The following LRPPRC variants were observed in gnomAD, a reference collection of about 807,000 sequenced individuals.
LRPPRC encodes the protein leucine rich pentatricopeptide repeat containing.
Under a neutral mutation model 180.3 loss-of-function variants are expected in LRPPRC, and 120 were observed. That is an observed-to-expected ratio of 0.67 (90% confidence interval 0.57 to 0.77). The LOEUF (loss-of-function observed/expected upper bound fraction) is 0.77, where lower values mean the gene tolerates loss of function less well. Among genes scored for constraint, LRPPRC ranks in the 30% least tolerant of loss-of-function variants. The pLI is 0.00. For missense variants in LRPPRC, 2,012 were observed against 1,657.2 expected, an observed-to-expected ratio of 1.21 and a Z score of -3.72; for synonymous variants, 723 against 600.0, an observed-to-expected ratio of 1.21 and a Z score of -3.00.
chr2:43,962,549 G>C (rs369222181), intron 12 of LRPPRC, among the ~76,000 whole-genome samples: 3 of 152,296 alleles, frequency 2.0e-5, no homozygotes, highest in South Asian at 2.1e-4. Flanking sequence ...TTTTGTTTTT[G>C]TAATTCATAT....
At chr2:43,971,771 A>C (rs1268149567) in intron 11 of LRPPRC, among the ~76,000 whole-genome samples, 3 of 152,032 alleles carry the variant, frequency 2.0e-5, no homozygotes, top group Non-Finnish European at 4.4e-5. Flanking sequence ...CCTTACACTA[A>C]AGAAACTATA....
chr2:43,888,677 G>T, intron 37 of LRPPRC, 21 bp from the exon 38 acceptor site: 1 of 1,449,060 alleles, frequency 6.9e-7, no homozygotes, highest in Non-Finnish European at 9.7e-7. Context: ...GAAAAAAAGA[G>T]GGAAGTTAGA....
intron 36 of LRPPRC, among the ~76,000 whole-genome samples, chr2:43,892,998 C>T (rs1670549626): frequency 6.6e-6 from 1 of 152,118 alleles, no homozygotes; most frequent in Admixed American, 6.5e-5. Flanking sequence ...TGATTTCAAC[C>T]CTCATGGATG....
chr2:43,893,669 T>C (rs1164441618), intron 36 of LRPPRC, among the ~76,000 whole-genome samples: 1 of 152,242 alleles, frequency 6.6e-6, no homozygotes, highest in Non-Finnish European at 1.5e-5. Flanking sequence ...CATGTAACTT[T>C]GTTCATTATA....
chr2:43,922,836 T>C (rs1572923998), intron 27 of LRPPRC, among the ~76,000 whole-genome samples: 1 of 152,158 alleles, frequency 6.6e-6, no homozygotes, highest in South Asian at 2.1e-4. Flanking sequence ...CAGAAGGGGA[T>C]AGCTTGCTTT....
At chr2:43,894,522 T>C (rs547873967) in intron 36 of LRPPRC, 23 bp downstream of exon 36, 3 of 1,073,968 alleles carry the variant, frequency 2.8e-6, no homozygotes, top group African/African-American at 1.5e-5. Context: ...ATAAATAATA[T>C]AGTCAAATTA....
At chr2:43,915,198 A>ACTCCCTCTCT (rs1671406486) in intron 29 of LRPPRC, among the ~76,000 whole-genome samples, 1 of 63,388 alleles carries the variant, frequency 1.6e-5, no homozygotes, top group African/African-American at 4.6e-5. Flanking sequence ...ACAGAACAAG[A>ACTCCCTCTCT]CTCTCTCTCT....
At chr2:43,889,326 A>AG (rs2104969170) in intron 37 of LRPPRC, among the ~76,000 whole-genome samples, 1 of 150,666 alleles carries the variant, frequency 6.6e-6, no homozygotes, top group Non-Finnish European at 1.5e-5. Flanking sequence ...AAAAAAAAAA[A>AG]AAAAAAAAAA....
chr2:43,992,890 G>A (rs1674848885), intron 1 of LRPPRC, among the ~76,000 whole-genome samples: 1 of 152,158 alleles, frequency 6.6e-6, no homozygotes, highest in Non-Finnish European at 1.5e-5. Flanking sequence ...CCATATCTGG[G>A]AGAAACATCA....
intron 25 of LRPPRC, among the ~76,000 whole-genome samples, chr2:43,931,202 G>A (rs923907490): frequency 3.1e-4 from 47 of 152,128 alleles, no homozygotes; most frequent in South Asian, 1.0e-3. Context: ...TAGGTTCTCA[G>A]AACCAACACA....
chr2:43,901,043 C>A (rs913615281), intron 32 of LRPPRC, among the ~76,000 whole-genome samples: 2 of 152,044 alleles, frequency 1.3e-5, no homozygotes, highest in Non-Finnish European at 2.9e-5. Context: ...AGTGTTTCGA[C>A]AACAAGAGGC....
chr2:43,917,984 A>C, intron 29 of LRPPRC, 41 bp downstream of exon 29: 2 of 1,199,292 alleles, frequency 1.7e-6, no homozygotes, highest in Non-Finnish European at 2.5e-6. Context: ...TAGAAAGAAG[A>C]CCACCCCCCC....
chr2:43,919,588 C>T (rs934953273), intron 27 of LRPPRC, among the ~76,000 whole-genome samples: 5 of 152,126 alleles, frequency 3.3e-5, no homozygotes, highest in African/African-American at 1.2e-4. Flanking sequence ...CATTTCCTTT[C>T]ATGTGGTAAT....
Position 43,946,220 on chromosome 2 carries a change from C to T in LRPPRC, c.2103G>A (p.Leu701=). The T allele has an allele frequency of 1.2e-6, 2 of 1,611,834 alleles. No individual in the cohort carries two copies. The highest frequency in any genetic ancestry group is 1.7e-6 in the Non-Finnish European group (2 of 1,178,262). The change falls in exon 21 of 38, where the codon TTG becomes TTA. Residue 701 remains leucine, a synonymous_variant. Transcript: ENST00000260665. ...CCATGTCGGATTCATATTTTGCTTT[C>T]AATTCAAGGGCTTTTTGCATATTCT... ...SEENMQKALE[L]KAKYESDMVT...
At chr2:43,899,750 C>T (rs1267673478) in intron 32 of LRPPRC, 145 bp from the exon 33 acceptor site, 2 of 629,308 alleles carry the variant, frequency 3.2e-6, no homozygotes, top group Non-Finnish European at 5.6e-6. Context: ...CAAATAAACA[C>T]TAGGCAACTG....
At chr2:43,910,206 G>C (rs1244280081) in intron 30 of LRPPRC, among the ~76,000 whole-genome samples, 1 of 151,400 alleles carries the variant, frequency 6.6e-6, no homozygotes, top group South Asian at 2.1e-4. Flanking sequence ...GAACACTCCA[G>C]GGTAAGGCAA....
chr2:43,953,802 CAA>C (rs903428795), intron 14 of LRPPRC, among the ~76,000 whole-genome samples: 12 of 152,106 alleles, frequency 7.9e-5, no homozygotes, highest in African/African-American at 2.7e-4. Context: ...AAAAACAAAA[CAA>C]AGACACCAAG....
At chr2:43,943,554 T>C (rs1192514927) in intron 23 of LRPPRC, 133 bp downstream of exon 23, 2 of 730,972 alleles carry the variant, frequency 2.7e-6, no homozygotes, top group Non-Finnish European at 4.8e-6. Context: ...TAGTTCATAT[T>C]AGCCCTCTTA....
At chr2:43,996,194 C>G (rs1488625282), upstream of LRPPRC, among the ~76,000 whole-genome samples, 1 of 152,230 alleles carries the variant, frequency 6.6e-6, no homozygotes, top group Non-Finnish European at 1.5e-5. Context: ...TCTTCCGTCT[C>G]CGATCTGGGC....
Sources: gnomAD v4.1 joint callset for allele counts (sites outside exome capture counted in the v4.1 genomes callset) on GRCh38, gnomAD v4.1.1 for gene constraint, MANE v1.5 for transcripts, NCBI Gene and HGNC (gene_info 2026-07-23, HGNC 2026-07-21) for gene names.